The following UGT1A8 variants were observed in gnomAD, a reference collection of about 807,000 sequenced individuals.
The protein encoded by UGT1A8 is UDP-glucuronosyltransferase 1A8.
Under a neutral mutation model 45.3 loss-of-function variants are expected in UGT1A8, and 39 were observed. The observed-to-expected ratio is 0.86, with a 90% CI of 0.67 to 1.12. The LOEUF is 1.12. Among genes scored for constraint, UGT1A8 ranks in the 50% most tolerant of loss-of-function variants. The pLI, the probability that UGT1A8 is intolerant of heterozygous loss-of-function variation, is 0.00. For missense variants in UGT1A8, 719 were observed against 664.9 expected (o/e 1.08, Z -0.90); for synonymous variants, 275 against 249.2 (o/e 1.10, Z -0.97).
intron 1 of UGT1A8, among the ~76,000 whole-genome samples, chr2:233,739,434 A>G (rs369218024): frequency 2.4e-4 from 37 of 152,256 alleles, no homozygotes; most frequent in African/African-American, 8.2e-4. Context: ...CGAGGGCTTT[A>G]CCCTGCAAAG....
intron 1 of UGT1A8, among the ~76,000 whole-genome samples, chr2:233,694,304 G>GTT (rs35761222): frequency 6.9e-5 from 10 of 145,480 alleles, no homozygotes; most frequent in East Asian, 2.0e-4. Flanking sequence ...CCTGTTTTTT[G>GTT]TTTTTTTTTT....
chr2:233,743,851 C>T (rs375874968), intron 1 of UGT1A8: 40 of 1,367,126 alleles, frequency 2.9e-5, no homozygotes, highest in African/African-American at 2.2e-4. Flanking sequence ...GCTTGCGGTA[C>T]GCCTTCTTGA....
At chr2:233,748,719 T>G (rs1371005675) in intron 1 of UGT1A8, among the ~76,000 whole-genome samples, 3 of 151,682 alleles carry the variant, frequency 2.0e-5, no homozygotes, top group Non-Finnish European at 4.4e-5. Context: ...GTCTGGTGCA[T>G]GATGTGGGGA....
At chr2:233,761,908 A>G (rs535316155) in intron 1 of UGT1A8, among the ~76,000 whole-genome samples, 1 of 152,320 alleles carries the variant, frequency 6.6e-6, no homozygotes, top group South Asian at 2.1e-4. Flanking sequence ...TTGGCTGAGG[A>G]TCTACTGGCA....
At chr2:233,750,156 T>C (rs953586925) in intron 1 of UGT1A8, among the ~76,000 whole-genome samples, 2 of 151,902 alleles carry the variant, frequency 1.3e-5, no homozygotes, top group Non-Finnish European at 2.9e-5. Flanking sequence ...ACTTGTTGAA[T>C]GGTTTTGACC....
chr2:233,690,538 C>T lies in UGT1A8; in HGVS notation c.855+71976C>T, dbSNP rs960345669. The T allele has an allele frequency of 2.4e-5, 31 of 1,289,752 alleles. 1 individual carries two copies. In the South Asian group the frequency reaches 3.7e-4, roughly 15 times the overall value. The allele number at this position is 1,289,752 out of a possible 1,614,324, so 79.9% of individuals were successfully genotyped here. A position where few individuals can be genotyped will look rare whatever the true frequency, so the allele number is the denominator to read the frequency against. Reference sequence around the variant, plus strand: ...ATCTTAGGATCTACTTCTTTCACCCCACTGGAATATGTCCCAAGCCTGAGT... The same window carrying T: ...ATCTTAGGATCTACTTCTTTCACCCTACTGGAATATGTCCCAAGCCTGAGT... On this transcript the variant is annotated intron_variant, in intron 1 of 4. Coordinates refer to ENST00000373450, the MANE Select transcript of UGT1A8 (RefSeq NM_019076.5).
intron 1 of UGT1A8, among the ~76,000 whole-genome samples, chr2:233,633,919 C>T (rs1313218257): frequency 6.6e-6 from 1 of 152,160 alleles, no homozygotes. Context: ...GATTTTAGAT[C>T]TTTCCTGCTT....
chr2:233,734,262 T>C (rs1260850291), intron 1 of UGT1A8, among the ~76,000 whole-genome samples: 1 of 152,214 alleles, frequency 6.6e-6, no homozygotes, highest in Non-Finnish European at 1.5e-5. Context: ...GGAGGGTGTA[T>C]GTGTCCAGGA....
intron 1 of UGT1A8, among the ~76,000 whole-genome samples, chr2:233,641,552 A>T (rs375524092): frequency 1.3e-5 from 2 of 152,244 alleles, no homozygotes; most frequent in Admixed American, 6.5e-5. Flanking sequence ...ACACACAGTT[A>T]CAATGTTATA....
intron 1 of UGT1A8, among the ~76,000 whole-genome samples, chr2:233,656,006 G>T (rs966461606): frequency 1.3e-5 from 2 of 152,096 alleles, no homozygotes; most frequent in Non-Finnish European, 2.9e-5. Flanking sequence ...CATCTAGCTG[G>T]CTGGGAAGCA....
chr2:233,683,428 C>A (rs1307985094), intron 1 of UGT1A8, among the ~76,000 whole-genome samples: 1 of 152,046 alleles, frequency 6.6e-6, no homozygotes, highest in East Asian at 1.9e-4. Context: ...GGTTTATGAG[C>A]AATAATAAGA....
chr2:233,688,526 GGTTT>G (rs113090807), intron 1 of UGT1A8, among the ~76,000 whole-genome samples: 1,546 of 152,214 alleles, frequency 0.01, 37 homozygotes, highest in African/African-American at 0.035. Flanking sequence ...GCCTAGAGTG[GGTTT>G]GACTTACATC....
At position 233,617,842 on chromosome 2, in the gene UGT1A8, G is replaced by A; in HGVS notation, c.135G>A (p.Val45=). The change falls in exon 1 of 5, where the codon GTG becomes GTA. Residue 45 remains valine (V), a synonymous_variant. Coordinates refer to ENST00000373450, the MANE Select transcript of UGT1A8 (RefSeq NM_019076.5). ...ACTGGTTCACCATGCAGTCGGTGGT[G>A]GAGAAACTTATCCTCAGGGGGCATG... ...GSHWFTMQSV[V]EKLILRGHEV... 2 of 1,614,040 alleles carry A rather than the reference G, an allele frequency of 1.2e-6. No individual in the cohort carries two copies. Among genetic ancestry groups the A allele is most frequent in the South Asian group, 1.1e-5 (1 of 91,054 alleles).
intron 1 of UGT1A8, among the ~76,000 whole-genome samples, chr2:233,745,151 G>A (rs1280914667): frequency 6.6e-6 from 1 of 151,808 alleles, no homozygotes; most frequent in African/African-American, 2.4e-5. Flanking sequence ...AGTATATGGA[G>A]GGTCAAATGT....
chr2:233,626,411 T>C (rs1344211431), intron 1 of UGT1A8, among the ~76,000 whole-genome samples: 1 of 152,058 alleles, frequency 6.6e-6, no homozygotes, highest in African/African-American at 2.4e-5. Flanking sequence ...TCGAGTGTGG[T>C]GTCTATTGAC....
At chr2:233,712,897 T>C in intron 1 of UGT1A8, 1 of 1,607,966 alleles carries the variant, frequency 6.2e-7, no homozygotes, top group Non-Finnish European at 8.5e-7. Context: ...GTTGATTTGC[T>C]AGGTGTCTCA....
chr2:233,768,750 T>C (rs190233981), intron 4 of UGT1A8, among the ~76,000 whole-genome samples: 30 of 152,044 alleles, frequency 2.0e-4, no homozygotes, highest in Admixed American at 8.5e-4. Flanking sequence ...GCCCGGTTAA[T>C]TTTTGTATTT....
chr2:233,714,839 T>A (rs2076415315), intron 1 of UGT1A8, among the ~76,000 whole-genome samples: 1 of 152,336 alleles, frequency 6.6e-6, no homozygotes, highest in East Asian at 1.9e-4. Flanking sequence ...GGTGAATGTT[T>A]ATAAATATTC....
chr2:233,748,596 G>C (rs905519077), intron 1 of UGT1A8, among the ~76,000 whole-genome samples: 5 of 151,812 alleles, frequency 3.3e-5, no homozygotes, highest in African/African-American at 1.2e-4. Flanking sequence ...CAGTTCAGTG[G>C]AAGTAGAGCA....
Sources: allele counts gnomAD v4.1 joint callset (sites outside exome capture counted in the v4.1 genomes callset), GRCh38; gene constraint gnomAD v4.1.1; transcripts MANE v1.5; gene names NCBI Gene and HGNC (gene_info 2026-07-23, HGNC 2026-07-21).